Variants in MYO3B observed in about 807,000 individuals in gnomAD.
MYO3B encodes the protein myosin-IIIb.
A neutral mutation model predicts 174.6 loss-of-function variants in MYO3B; 156 were observed. The observed-to-expected ratio is 0.89, with a 90% CI of 0.78 to 1.02. The LOEUF (loss-of-function observed/expected upper bound fraction) is 1.02, where lower values mean the gene tolerates loss of function less well. Ranked by LOEUF, MYO3B falls within the 50% of genes least tolerant of loss-of-function variation. MYO3B has a pLI of 0.00. For synonymous variants in MYO3B, 563 were observed against 569.1 expected, an observed-to-expected ratio of 0.99 and a Z score of 0.15; for missense variants, 1,632 against 1,639.4, an observed-to-expected ratio of 1.00 and a Z score of 0.08.
chr2:170,339,469 C>A (rs1340686007), intron 8 of MYO3B, among the ~76,000 whole-genome samples: 1 of 152,040 alleles, frequency 6.6e-6, no homozygotes, highest in Non-Finnish European at 1.5e-5. Flanking sequence ...GGGATCTGAA[C>A]AAGTTGGTCT....
At chr2:170,463,131 G>A (rs1684409766) in intron 23 of MYO3B, among the ~76,000 whole-genome samples, 1 of 152,128 alleles carries the variant, frequency 6.6e-6, no homozygotes, top group African/African-American at 2.4e-5. Flanking sequence ...AAATAAGAGG[G>A]GTTTACACTG....
intron 32 of MYO3B, among the ~76,000 whole-genome samples, chr2:170,556,742 G>A (rs919691737): frequency 2.0e-5 from 3 of 152,142 alleles, no homozygotes; most frequent in South Asian, 2.1e-4. Context: ...GGCTGGTCTC[G>A]AACTCCTGAC....
chr2:170,328,559 C>A (rs1005669158), intron 7 of MYO3B, among the ~76,000 whole-genome samples: 3 of 152,122 alleles, frequency 2.0e-5, no homozygotes, highest in East Asian at 3.8e-4. Context: ...ACTAAGTGTT[C>A]ATTTGTCAGT....
chr2:170,526,002 G>T (rs750650500), intron 30 of MYO3B, among the ~76,000 whole-genome samples: 3 of 152,202 alleles, frequency 2.0e-5, no homozygotes, highest in Admixed American at 1.3e-4. Flanking sequence ...AGGGAAAATG[G>T]CAGCATGATG....
At chr2:170,202,675 A>G (rs1271173226) in intron 3 of MYO3B, among the ~76,000 whole-genome samples, 1 of 152,206 alleles carries the variant, frequency 6.6e-6, no homozygotes, top group Non-Finnish European at 1.5e-5. Context: ...CTGGGATCGT[A>G]GCACTTCCTG....
chr2:170,551,382 T>TTATC (rs57300775), intron 32 of MYO3B, among the ~76,000 whole-genome samples: 47,027 of 138,344 alleles, frequency 0.34, 8,459 homozygotes, highest in African/African-American at 0.4. Context: ...ATTTATTTAT[T>TTATC]TATTTTTAGG....
chr2:170,441,808 ACTTTCATTGCCAT>A (rs1175540673), intron 22 of MYO3B, among the ~76,000 whole-genome samples: 1 of 152,218 alleles, frequency 6.6e-6, no homozygotes, highest in Non-Finnish European at 1.5e-5. Context: ...ACCAGAGGTC[ACTTTCATTGCCAT>A]CTTGGTTTCG....
At chr2:170,199,908 CATT>C (rs1321411580) in intron 2 of MYO3B, among the ~76,000 whole-genome samples, 1 of 152,020 alleles carries the variant, frequency 6.6e-6, no homozygotes, top group Non-Finnish European at 1.5e-5. Context: ...ATATCATAAA[CATT>C]ATTGATATAA....
At chr2:170,649,952 A>AT (rs1042555734) in intron 32 of MYO3B, 1 of 146,004 alleles carries the variant, frequency 6.8e-6, no homozygotes, top group Admixed American at 7.0e-5. Context: ...GAGCCATTCA[A>AT]TTTTATGGGC....
At chr2:170,268,260 T>C (rs1340269373) in intron 7 of MYO3B, among the ~76,000 whole-genome samples, 1 of 152,064 alleles carries the variant, frequency 6.6e-6, no homozygotes, top group Non-Finnish European at 1.5e-5. Flanking sequence ...AAGGGCAAAC[T>C]CCACTAAAGT....
chr2:170,285,430 A>G (rs2105403528), intron 7 of MYO3B, among the ~76,000 whole-genome samples: 1 of 151,684 alleles, frequency 6.6e-6, no homozygotes, highest in African/African-American at 2.4e-5. Context: ...GTGCAGTGGC[A>G]CAATCTCGGC....
At chr2:170,208,694 TA>T (rs1484173471) in intron 3 of MYO3B, among the ~76,000 whole-genome samples, 1 of 152,186 alleles carries the variant, frequency 6.6e-6, no homozygotes, top group Non-Finnish European at 1.5e-5. Context: ...TGGTAAGTTT[TA>T]AAACATAATT....
chr2:170,259,878 A>T (rs2093332114), intron 7 of MYO3B, among the ~76,000 whole-genome samples: 1 of 152,140 alleles, frequency 6.6e-6, no homozygotes, highest in African/African-American at 2.4e-5. Context: ...AGCAAAAAAC[A>T]TATAACCCCC....
chr2:170,333,307 A>T (rs776805355), intron 7 of MYO3B, among the ~76,000 whole-genome samples: 8 of 152,176 alleles, frequency 5.3e-5, no homozygotes, highest in Non-Finnish European at 1.2e-4. Context: ...AACTTATGTG[A>T]TGGTGGTACT....
intron 7 of MYO3B, 126 bp downstream of exon 7, chr2:170,236,262 T>C: frequency 7.8e-7 from 1 of 1,281,682 alleles, no homozygotes; most frequent in Non-Finnish European, 1.1e-6. Flanking sequence ...AAATATATTT[T>C]CTTTGAAAAA....
chr2:170,541,975 A>G (rs1228987976), intron 30 of MYO3B, among the ~76,000 whole-genome samples: 1 of 152,236 alleles, frequency 6.6e-6, no homozygotes, highest in Non-Finnish European at 1.5e-5. Flanking sequence ...AGCTTAAGTA[A>G]AGAATAAGAT....
chr2:170,470,570 G>T (rs914670021), intron 25 of MYO3B, among the ~76,000 whole-genome samples: 1 of 152,138 alleles, frequency 6.6e-6, no homozygotes, highest in African/African-American at 2.4e-5. Flanking sequence ...GAATATTCAT[G>T]TACAACTTTT....
intron 30 of MYO3B, among the ~76,000 whole-genome samples, chr2:170,525,701 C>T (rs935795875): frequency 1.3e-5 from 2 of 152,150 alleles, no homozygotes; most frequent in Admixed American, 1.3e-4. Flanking sequence ...GCATATTTCT[C>T]CTGTGTGTCA....
intron 22 of MYO3B, among the ~76,000 whole-genome samples, chr2:170,432,636 G>A (rs912593656): frequency 3.3e-5 from 5 of 151,418 alleles, no homozygotes; most frequent in Non-Finnish European, 5.9e-5. Context: ...GAGTGCAGTG[G>A]CACGATCTCG....
Sources: allele counts gnomAD v4.1 joint callset (sites outside exome capture counted in the v4.1 genomes callset), GRCh38; gene constraint gnomAD v4.1.1; transcripts MANE v1.5; gene names NCBI Gene and HGNC (gene_info 2026-07-23, HGNC 2026-07-21).